PDE3B: variants seen among roughly 807,000 people sequenced by gnomAD.
PDE3B encodes phosphodiesterase 3B.
In PDE3B, 66 loss-of-function variants were observed where a neutral mutation model predicts 116.8. The observed-to-expected ratio is 0.56, with a 90% confidence interval of 0.46 to 0.69. PDE3B has a LOEUF of 0.69. PDE3B is among the 30% of genes least tolerant of loss of function. The pLI, the probability that PDE3B is intolerant of heterozygous loss-of-function variation, is 0.00. For missense variants in PDE3B, 1,384 were observed against 1,368.1 expected (o/e 1.01, Z -0.18); for synonymous variants, 595 against 533.6 (o/e 1.12, Z -1.59).
intron 1 of PDE3B, among the ~76,000 whole-genome samples, chr11:14,726,395 A>G (rs1370676737): frequency 6.6e-6 from 1 of 152,182 alleles, no homozygotes; most frequent in Non-Finnish European, 1.5e-5. Flanking sequence ...TGGGTTCCAT[A>G]AACATTTTTT....
intron 2 of PDE3B, among the ~76,000 whole-genome samples, chr11:14,784,540 A>C (rs1294814180): frequency 6.6e-6 from 1 of 152,158 alleles, no homozygotes; most frequent in Non-Finnish European, 1.5e-5. Context: ...ATAGTAATAC[A>C]CTCAGAAACT....
At chr11:14,804,729 A>T (rs1858868728) in intron 5 of PDE3B, among the ~76,000 whole-genome samples, 1 of 152,168 alleles carries the variant, frequency 6.6e-6, no homozygotes, top group Non-Finnish European at 1.5e-5. Flanking sequence ...TATGATATTG[A>T]TGCTGTATTT....
At chr11:14,828,539 G>A (rs868853004) in intron 7 of PDE3B, among the ~76,000 whole-genome samples, 29 of 152,102 alleles carry the variant, frequency 1.9e-4, no homozygotes, top group African/African-American at 6.3e-4. Context: ...CATACATATG[G>A]GCAACAATCA....
chr11:14,788,683 T>G (rs1260772622), intron 3 of PDE3B, among the ~76,000 whole-genome samples: 1 of 151,966 alleles, frequency 6.6e-6, no homozygotes, highest in East Asian at 1.9e-4. Context: ...TTCTCCTGAT[T>G]AACAGCTAAG....
chr11:14,664,618 G>A lies in PDE3B; in HGVS notation c.978+19565G>A, dbSNP rs868573631. On this transcript the variant is annotated intron_variant, in intron 1 of 15. Transcript: ENST00000282096. ...CAATCCCACAGAAATACAAACTACC[G>A]TCAGAGGATACTACAAACAGCTCTA... Among the ~76,000 whole-genome samples, 34 of 152,168 alleles carry A rather than the reference G, an allele frequency of 2.2e-4. 1 individual carries two copies. In the Middle Eastern group the frequency reaches 0.01, roughly 46 times the overall value.
At chr11:14,679,827 A>G (rs768410567) in intron 1 of PDE3B, among the ~76,000 whole-genome samples, 9 of 151,908 alleles carry the variant, frequency 5.9e-5, no homozygotes, top group Non-Finnish European at 1.0e-4. Flanking sequence ...TCCTATCACT[A>G]CAGTTCACGG....
At chr11:14,890,464 C>T in the PDE3B span, 7 of 979,718 alleles carry the variant, frequency 7.1e-6, no homozygotes, top group Non-Finnish European at 8.5e-6. Context: ...CCTTTAACAA[C>T]GTAAACTATT....
chr11:14,746,329 G>C (rs1856909294), intron 1 of PDE3B, among the ~76,000 whole-genome samples: 1 of 152,122 alleles, frequency 6.6e-6, no homozygotes, highest in Non-Finnish European at 1.5e-5. Context: ...AGGTTGCAGT[G>C]AGCCGAGATC....
intron 1 of PDE3B, among the ~76,000 whole-genome samples, chr11:14,755,540 A>G (rs1437279950): frequency 2.0e-5 from 3 of 152,172 alleles, no homozygotes; most frequent in African/African-American, 4.8e-5. Context: ...GTGAAAAGAC[A>G]TTTTCAAAAA....
chr11:14,724,258 T>C (rs1856212629), intron 1 of PDE3B, among the ~76,000 whole-genome samples: 2 of 152,330 alleles, frequency 1.3e-5, no homozygotes, highest in South Asian at 2.1e-4. Flanking sequence ...GATTTCCTAC[T>C]TGCCTATCTG....
intron 1 of PDE3B, among the ~76,000 whole-genome samples, chr11:14,732,307 C>G (rs920067698): frequency 1.3e-5 from 2 of 152,158 alleles, no homozygotes; most frequent in Non-Finnish European, 2.9e-5. Context: ...AGATTTCATA[C>G]TGGTACCTAA....
chr11:14,850,707 A>G (rs902192855), intron 12 of PDE3B, among the ~76,000 whole-genome samples: 3 of 152,344 alleles, frequency 2.0e-5, no homozygotes, highest in Non-Finnish European at 4.4e-5. Context: ...TATAGCTGGT[A>G]AAATATAAAA....
At chr11:14,765,164 C>A (rs1445611970) in intron 1 of PDE3B, among the ~76,000 whole-genome samples, 2 of 151,912 alleles carry the variant, frequency 1.3e-5, no homozygotes, top group African/African-American at 4.8e-5. Context: ...AGTAAAATGT[C>A]ATCAAGAAAT....
At chr11:14,804,121 C>T in intron 5 of PDE3B, 71 bp downstream of exon 5, 1 of 795,482 alleles carries the variant, frequency 1.3e-6, no homozygotes, top group Non-Finnish European at 2.2e-6. Context: ...CACTTTTCAT[C>T]ACATATTTAT....
At chr11:14,838,026 T>C (rs1316962046) in intron 11 of PDE3B, among the ~76,000 whole-genome samples, 1 of 152,006 alleles carries the variant, frequency 6.6e-6, no homozygotes, top group East Asian at 1.9e-4. Context: ...TCGCCCAGGC[T>C]GGAGTGCAGT....
rs573619797 is a variant in PDE3B at position 14,673,464 on chromosome 11, GA to G, written c.978+28418del. ...TATTTTCTTTGTTTAAAACAAAACA[GA>G]AAAAAACATCAGTTGTTACACACTA... On this transcript the variant is annotated intron_variant, in intron 1 of 15. Coordinates refer to ENST00000282096, the MANE Select transcript of PDE3B (RefSeq NM_000922.4). 855 of 261,944 alleles carry G rather than the reference GA, an allele frequency of 3.3e-3. 4 individuals are homozygous for G. Among genetic ancestry groups the G allele is most frequent in the South Asian group, 7.2e-3 (136 of 18,762 alleles). The allele number at this position is 261,944 out of a possible 1,614,324, so 16.2% of individuals were successfully genotyped here. A position where few individuals can be genotyped will look rare whatever the true frequency, so the allele number is the denominator to read the frequency against.
chr11:14,650,798 A>C (rs766213547), intron 1 of PDE3B, among the ~76,000 whole-genome samples: 5 of 152,122 alleles, frequency 3.3e-5, no homozygotes, highest in Non-Finnish European at 7.4e-5. Flanking sequence ...ACCCTGAGCC[A>C]AGGAAAGCAG....
At chr11:14,838,431 G>C (rs901691827) in intron 11 of PDE3B, among the ~76,000 whole-genome samples, 4 of 152,060 alleles carry the variant, frequency 2.6e-5, no homozygotes, top group Non-Finnish European at 5.9e-5. Flanking sequence ...GGGAAATAAA[G>C]GATCCTGATA....
intron 1 of PDE3B, among the ~76,000 whole-genome samples, chr11:14,665,458 G>A (rs982714008): frequency 6.6e-6 from 1 of 152,144 alleles, no homozygotes; most frequent in Non-Finnish European, 1.5e-5. Flanking sequence ...TATTCAATTA[G>A]GAAAAGAGGA....
Sources: gnomAD v4.1 joint callset for allele counts (sites outside exome capture counted in the v4.1 genomes callset) on GRCh38, gnomAD v4.1.1 for gene constraint, MANE v1.5 for transcripts, NCBI Gene and HGNC (gene_info 2026-07-23, HGNC 2026-07-21) for gene names.